VAV2: variants seen among roughly 807,000 people sequenced by gnomAD.
The protein encoded by VAV2 is guanine nucleotide exchange factor VAV2.
In VAV2, 67 loss-of-function variants were observed where a neutral mutation model predicts 132.5. The observed-to-expected ratio is 0.51, with a 90% CI of 0.42 to 0.62. The LOEUF (loss-of-function observed/expected upper bound fraction) is 0.62. Ranked by LOEUF, VAV2 falls within the 20% of genes least tolerant of loss-of-function variation. The probability of loss-of-function intolerance (pLI) is 0.00; values close to 1 mark genes in which losing one functional copy is unlikely to be tolerated. For missense variants in VAV2, 938 were observed against 1,153.6 expected (o/e 0.81, Z 2.71); for synonymous variants, 492 against 443.5 (o/e 1.11, Z -1.37).
In VAV2 at chr9:133,810,217, G is replaced by C; in HGVS notation, c.553-12C>G. The C allele has an allele frequency of 1.9e-6, 3 of 1,613,432 alleles. No homozygotes were observed. Among genetic ancestry groups the C allele is most frequent in the Non-Finnish European group, 2.5e-6 (3 of 1,179,842 alleles). On this transcript the variant is annotated splice_polypyrimidine_tract_variant and intron_variant, in intron 5 of 29. Coordinates refer to ENST00000371850, the MANE Select transcript of VAV2 (RefSeq NM_001134398.2). Reference sequence around the variant, plus strand: ...TGCATGTATCTAATCTGCAAGCGTGGAGAAAGAACCAGAAACAGCGCCGGT... The same window carrying C: ...TGCATGTATCTAATCTGCAAGCGTGCAGAAAGAACCAGAAACAGCGCCGGT...
intron 2 of VAV2, among the ~76,000 whole-genome samples, chr9:133,915,442 T>C (rs377033545): frequency 5.3e-5 from 8 of 152,176 alleles, no homozygotes. Flanking sequence ...GGTGGTGCAA[T>C]GAGGAAGTCT....
chr9:133,922,823 C>T lies in VAV2; in HGVS notation c.321+16280G>A, dbSNP rs73550727. Among the ~76,000 whole-genome samples, 1,069 of 152,198 alleles carry T rather than the reference C, an allele frequency of 7.0e-3. 10 individuals are homozygous for T. Among genetic ancestry groups the T allele is most frequent in the African/African-American group, 0.019 (780 of 41,508 alleles). ...ATTTATTGATATAACCCCACAGCAC[C>T]GGCAACAAAAACGAAAACAGACAAA... On this transcript the variant is annotated intron_variant, in intron 2 of 29. Coordinates refer to ENST00000371850, the MANE Select transcript of VAV2 (RefSeq NM_001134398.2).
At chr9:133,792,878 A>T (rs1215590063) in intron 12 of VAV2, among the ~76,000 whole-genome samples, 6 of 152,054 alleles carry the variant, frequency 3.9e-5, no homozygotes, top group Non-Finnish European at 8.8e-5. Flanking sequence ...AAGAGCCCCA[A>T]ACTCCTGGCT....
chr9:133,942,833 G>T (rs569905055), intron 1 of VAV2, among the ~76,000 whole-genome samples: 68 of 152,328 alleles, frequency 4.5e-4, no homozygotes, highest in Admixed American at 3.9e-4. Flanking sequence ...ACCCAGGGTG[G>T]TCTCTGCAAA....
chr9:133,868,880 A>C (rs1483738331), intron 2 of VAV2, among the ~76,000 whole-genome samples: 1 of 152,254 alleles, frequency 6.6e-6, no homozygotes, highest in Non-Finnish European at 1.5e-5. Flanking sequence ...GGTGTGCCTT[A>C]CAAAGGGAAA....
chr9:133,832,757 C>A (rs892425299), intron 4 of VAV2, among the ~76,000 whole-genome samples: 10 of 152,254 alleles, frequency 6.6e-5, no homozygotes, highest in Admixed American at 2.6e-4. Context: ...CAGGGTTTCA[C>A]CATGTTGGCC....
At chr9:133,880,504 C>T (rs1838448447) in intron 2 of VAV2, among the ~76,000 whole-genome samples, 1 of 152,114 alleles carries the variant, frequency 6.6e-6, no homozygotes, top group South Asian at 2.1e-4. Flanking sequence ...ACAGCTTCTC[C>T]AGTAGGAATC....
At chr9:133,796,358 C>G in intron 11 of VAV2, 71 bp downstream of exon 11, 2 of 1,384,270 alleles carry the variant, frequency 1.4e-6, no homozygotes, top group South Asian at 2.5e-5. Context: ...CCTATACCCC[C>G]TGGAAGCTGC....
At position 133,833,982 on chromosome 9, in the gene VAV2, G is replaced by C. The variant is rs1280740091; in HGVS notation, c.449+290C>G. Among the ~76,000 whole-genome samples the C allele has an allele frequency of 2.6e-5, 4 of 152,212 alleles. No homozygotes were observed. Among genetic ancestry groups the C allele is most frequent in the African/African-American group, 4.8e-5 (2 of 41,460 alleles). ...CAAGCCCTCATGGAGGACCCTGCTA[G>C]GGCAATGGGCCAACACCCGGGCCAG... On this transcript the variant is annotated intron_variant, in intron 4 of 29. Transcript: ENST00000371850. This position sits in a 1 kb window ranked among gnomAD's most constrained non-coding sequence, Gnocchi z 5.6.
chr9:133,927,095 GACCT>G (rs1840505210), intron 2 of VAV2, among the ~76,000 whole-genome samples: 1 of 83,278 alleles, frequency 1.2e-5, no homozygotes, highest in Admixed American at 1.2e-4. Flanking sequence ...CTCTTATCAG[GACCT>G]ACCTTACCAG....
intron 1 of VAV2, among the ~76,000 whole-genome samples, chr9:133,979,670 C>T (rs2132285999): frequency 6.6e-6 from 1 of 152,328 alleles, no homozygotes; most frequent in African/African-American, 2.4e-5. Flanking sequence ...TCCCAGAGCC[C>T]CACCACTGAC....
chr9:133,854,077 GCA>G (rs1294162623), intron 3 of VAV2, among the ~76,000 whole-genome samples: 1 of 150,228 alleles, frequency 6.7e-6, no homozygotes, highest in African/African-American at 2.5e-5. Flanking sequence ...CTGCACACCT[GCA>G]CATACACCCC....
At chr9:133,924,963 G>A (rs140569974) in intron 2 of VAV2, among the ~76,000 whole-genome samples, 231 of 152,328 alleles carry the variant, frequency 1.5e-3, no homozygotes, top group African/African-American at 5.0e-3. Flanking sequence ...AGAAGCCGAC[G>A]CTAAAGGCCA....
intron 22 of VAV2, among the ~76,000 whole-genome samples, chr9:133,778,407 G>A (rs1280489953): frequency 1.3e-5 from 2 of 152,236 alleles, no homozygotes; most frequent in African/African-American, 4.8e-5. Flanking sequence ...GGCCAGGGCA[G>A]AAGCCTGAGG....
Position 133,885,327 on chromosome 9 carries a change from T to A in VAV2, c.322-23895A>T, listed in dbSNP as rs935558968. ...CCTGCCCAGCTGCACTGTCTGCCTC[T>A]GCTTCTTCCCCACAAGTTCAAGGTC... On this transcript the variant is annotated intron_variant, in intron 2 of 29. Transcript: ENST00000371850. The surrounding 1 kb of genome is among the most constrained non-coding windows in gnomAD (Gnocchi z 5.0). 6.6e-6 allele frequency among the ~76,000 whole-genome samples: 1 copy of A among 152,228 alleles called. No homozygotes were observed. Among genetic ancestry groups the A allele is most frequent in the African/African-American group, 2.4e-5 (1 of 41,464 alleles).
Position 133,802,643 on chromosome 9 carries a change from AT to A in VAV2, c.836+3437del, listed in dbSNP as rs1203121500. ...GAGCTCCGTGGGTATTTGTGTGAGG[AT>A]CATGTTTTTTAACTTTCTGAGTACG... is the stretch of plus-strand genomic sequence containing the variant. On this transcript the variant is annotated intron_variant, in intron 9 of 29. Transcript: ENST00000371850. This position sits in a 1 kb window ranked among gnomAD's most constrained non-coding sequence, Gnocchi z 5.8. Among the ~76,000 whole-genome samples, 1 of 152,012 alleles carries A rather than the reference AT, an allele frequency of 6.6e-6. No individual in the cohort carries two copies.
At chr9:133,930,450 C>G (rs1840644599) in intron 2 of VAV2, among the ~76,000 whole-genome samples, 1 of 152,248 alleles carries the variant, frequency 6.6e-6, no homozygotes, top group Non-Finnish European at 1.5e-5. Flanking sequence ...TGCCTCTTGG[C>G]CTCTTCACTG....
At chr9:133,956,244 C>T (rs573687609) in intron 1 of VAV2, among the ~76,000 whole-genome samples, 8 of 152,206 alleles carry the variant, frequency 5.3e-5, no homozygotes, top group East Asian at 2.0e-4. Context: ...AAGTCAGGAA[C>T]TCGATGATCT....
At chr9:133,940,482 G>A (rs556530985) in intron 1 of VAV2, among the ~76,000 whole-genome samples, 27 of 152,230 alleles carry the variant, frequency 1.8e-4, no homozygotes, top group African/African-American at 6.0e-4. Flanking sequence ...CACTGAGAAC[G>A]CCCTGGGAGC....
Sources: allele counts gnomAD v4.1 joint callset (sites outside exome capture counted in the v4.1 genomes callset), GRCh38; gene constraint gnomAD v4.1.1; non-coding constraint Gnocchi (gnomAD v3.1); transcripts MANE v1.5; gene names NCBI Gene and HGNC (gene_info 2026-07-23, HGNC 2026-07-21).